EDA: variants seen among roughly 807,000 people sequenced by gnomAD.
The protein encoded by EDA is ectodysplasin A, also known as ectodysplasin-A.
In EDA, 2 loss-of-function variants were observed where a neutral mutation model predicts 23.6. That is an observed-to-expected ratio of 0.08 (90% CI 0.03 to 0.27). EDA has a LOEUF of 0.27. EDA is among the 10% of genes least tolerant of loss of function. EDA has a pLI of 1.00. For synonymous variants in EDA, 131 were observed against 132.0 expected (o/e 0.99, Z 0.05); for missense variants, 229 against 324.2 (o/e 0.71, Z 2.26).
chrX:69,713,684 G>T (rs183528517), intron 1 of EDA, among the ~76,000 whole-genome samples: 1 of 111,707 alleles, frequency 9.0e-6, no homozygotes, highest in Non-Finnish European at 1.9e-5. Context: ...CCAAATTGTT[G>T]TGTGTATTAA....
intron 1 of EDA, among the ~76,000 whole-genome samples, chrX:69,824,415 T>A (rs1281987704): frequency 1.8e-5 from 2 of 109,809 alleles, no homozygotes; most frequent in Non-Finnish European, 1.9e-5. Flanking sequence ...GTCCTTCACA[T>A]CCCTTGTAAG....
chrX:69,845,473 A>G (rs777489512), intron 1 of EDA, among the ~76,000 whole-genome samples: 1 of 112,189 alleles, frequency 8.9e-6, no homozygotes, highest in South Asian at 3.7e-4. Context: ...TGGCATCCTA[A>G]TGAGGAAGGA....
intron 1 of EDA, among the ~76,000 whole-genome samples, chrX:69,781,122 A>G (rs774975221): frequency 1.8e-5 from 2 of 111,741 alleles, no homozygotes; most frequent in Admixed American, 1.9e-4. Context: ...TGAAAATACA[A>G]CATTTTATTT....
At chrX:70,030,334 A>C (rs1345277797) in intron 5 of EDA, 135 bp from the exon 6 acceptor site, 2 of 574,640 alleles carry the variant, frequency 3.5e-6, no homozygotes, top group African/African-American at 2.3e-5. Flanking sequence ...AGTCAGTAAC[A>C]TCCCAAGACA....
chrX:69,667,122 T>TC (rs941246840), intron 1 of EDA, among the ~76,000 whole-genome samples: 3 of 86,435 alleles, frequency 3.5e-5, no homozygotes, highest in African/African-American at 1.4e-4. Context: ...TCTTTTTCTT[T>TC]TTTTTTTTTT....
chrX:69,884,737 G>A (rs1309234118), intron 1 of EDA, among the ~76,000 whole-genome samples: 1 of 111,945 alleles, frequency 8.9e-6, no homozygotes, highest in Non-Finnish European at 1.9e-5. Context: ...CATTTGAATT[G>A]TTTCCCCCTT....
At chrX:69,952,722 C>T (rs2018945546) in intron 1 of EDA, among the ~76,000 whole-genome samples, 1 of 112,156 alleles carries the variant, frequency 8.9e-6, no homozygotes, top group Admixed American at 9.4e-5. Context: ...CTGCTGTCTG[C>T]AGAAGTTTGT....
intron 1 of EDA, among the ~76,000 whole-genome samples, chrX:69,749,522 C>T (rs1031163396): frequency 9.1e-6 from 1 of 110,251 alleles, no homozygotes; most frequent in African/African-American, 3.3e-5. Context: ...ACACTGACTT[C>T]CACAATGGTT....
At chrX:69,936,254 G>C (rs978565827) in intron 1 of EDA, among the ~76,000 whole-genome samples, 1 of 110,738 alleles carries the variant, frequency 9.0e-6, no homozygotes, top group Non-Finnish European at 1.9e-5. Flanking sequence ...AACAGTGATG[G>C]AATAAAAATA....
At chrX:69,909,292 G>T (rs1047347913) in intron 1 of EDA, among the ~76,000 whole-genome samples, 1 of 111,324 alleles carries the variant, frequency 9.0e-6, no homozygotes, top group Non-Finnish European at 1.9e-5. Flanking sequence ...TTGTTGGTTG[G>T]TTTGTTTTGT....
At position 69,763,936 on chromosome X, in the gene EDA, A is replaced by G. The variant is rs192270001; in HGVS notation, c.396+147232A>G. 4.5e-5 allele frequency among the ~76,000 whole-genome samples: 5 copies of G among 111,629 alleles called. No individual in the cohort carries two copies. In the Admixed American group the frequency reaches 4.8e-4, roughly 11 times the overall value. On this transcript the variant is annotated intron_variant, in intron 1 of 7. Transcript: ENST00000374552. ...GAGCTTTCCTTTAGAAAACCAGACTAGCGTTGACCTGCTAGAGTCCCTGGG... is the reference window on the plus strand; with the variant it reads ...GAGCTTTCCTTTAGAAAACCAGACTGGCGTTGACCTGCTAGAGTCCCTGGG...
At chrX:69,966,409 G>A (rs993406118) in intron 2 of EDA, among the ~76,000 whole-genome samples, 15 of 110,025 alleles carry the variant, frequency 1.4e-4, no homozygotes, top group Non-Finnish European at 2.1e-4. Context: ...GTGAAACCCC[G>A]TCTCTACTAA....
In EDA at chrX:69,912,581, G is replaced by A. The variant is rs1378103573; in HGVS notation, c.397-44446G>A. ...TACATCTCCATCAGAGCTCTTGGGT[G>A]ACCAGGCATATTGTCCATGAGCAGT... On this transcript the variant is annotated intron_variant, in intron 1 of 7. Coordinates refer to ENST00000374552, the MANE Select transcript of EDA (RefSeq NM_001399.5). Among the ~76,000 whole-genome samples, 4 of 111,156 alleles carry A rather than the reference G, an allele frequency of 3.6e-5. No homozygotes were observed. The East Asian group carries it at 1.1e-3, about 31-fold the overall frequency.
intron 1 of EDA, among the ~76,000 whole-genome samples, chrX:69,870,422 T>C (rs746031455): frequency 1.4e-3 from 153 of 111,033 alleles, no homozygotes; most frequent in African/African-American, 4.9e-3. Flanking sequence ...GGGAGTTTAG[T>C]CTAGTTATAG....
chrX:70,026,970 T>C (rs1212115479), intron 3 of EDA, among the ~76,000 whole-genome samples: 1 of 110,922 alleles, frequency 9.0e-6, no homozygotes, highest in Admixed American at 9.6e-5. Context: ...CTGTACATCC[T>C]GACTCCTGGA....
At chrX:69,948,197 C>T (rs939084078) in intron 1 of EDA, among the ~76,000 whole-genome samples, 3 of 112,568 alleles carry the variant, frequency 2.7e-5, no homozygotes, top group Admixed American at 9.4e-5. Flanking sequence ...TACAATTTCA[C>T]ACTGGTGCCA....
At chrX:69,697,087 G>A (rs1278060496) in intron 1 of EDA, among the ~76,000 whole-genome samples, 5 of 111,757 alleles carry the variant, frequency 4.5e-5, no homozygotes, top group East Asian at 2.8e-4. Flanking sequence ...CAGACAGAAC[G>A]AGGTAGTGTG....
chrX:70,023,378 T>C (rs1161440091), intron 3 of EDA, 137 bp downstream of exon 3: 6 of 389,498 alleles, frequency 1.5e-5, no homozygotes, highest in Non-Finnish European at 2.2e-5. Context: ...ATATGTTATC[T>C]TCTTGAGTAT....
intron 1 of EDA, among the ~76,000 whole-genome samples, chrX:69,716,817 G>C (rs6653168): frequency 9.1e-6 from 1 of 110,172 alleles, no homozygotes; most frequent in Admixed American, 9.7e-5. Context: ...TATTTTATTC[G>C]TTTTGTAACA....
Sources: allele counts gnomAD v4.1 joint callset (sites outside exome capture counted in the v4.1 genomes callset), GRCh38; gene constraint gnomAD v4.1.1; transcripts MANE v1.5; gene names NCBI Gene and HGNC (gene_info 2026-07-23, HGNC 2026-07-21).